Variants in LRPPRC observed in about 807,000 individuals in gnomAD.
LRPPRC encodes leucine rich pentatricopeptide repeat containing.
In LRPPRC, 120 loss-of-function variants were observed where a neutral mutation model predicts 180.3. That is an observed-to-expected ratio of 0.67 (90% CI 0.57 to 0.77). The LOEUF (loss-of-function observed/expected upper bound fraction) is 0.77, where lower values mean the gene tolerates loss of function less well. Ranked by LOEUF, LRPPRC falls within the 30% of genes least tolerant of loss-of-function variation. The pLI is 0.00. For synonymous variants in LRPPRC, 723 were observed against 600.0 expected, an observed-to-expected ratio of 1.21 and a Z score of -3.00; for missense variants, 2,012 against 1,657.2, an observed-to-expected ratio of 1.21 and a Z score of -3.72.
chr2:43,916,324 C>G (rs1433557272), intron 29 of LRPPRC, among the ~76,000 whole-genome samples: 2 of 151,986 alleles, frequency 1.3e-5, no homozygotes, highest in South Asian at 4.2e-4. Context: ...TATAAGAAGT[C>G]TAAGTAAAAA....
chr2:43,950,205 CT>C (rs373640532), intron 15 of LRPPRC, among the ~76,000 whole-genome samples: 8 of 148,264 alleles, frequency 5.4e-5, no homozygotes, highest in South Asian at 2.1e-4. Context: ...CTCATGGATT[CT>C]TTTTTTTTTA....
Position 43,982,283 on chromosome 2 carries a change from G to A in LRPPRC, c.301C>T (p.Pro101Ser). The change falls in exon 2 of 38, where the codon CCA becomes TCA. Residue 101 changes from proline (P) to serine (S), a missense_variant. Coordinates refer to ENST00000260665, the MANE Select transcript of LRPPRC (RefSeq NM_133259.4). ...AAAACTTTTTGTAGAAGCTTCTTTG[G>A]AATGCGGCCAGTTCTTCGAACAGAA... ...DLSVRRTGRI[P>S]KKLLQKVFND... is the part of the protein sequence containing the mutation. The A allele has an allele frequency of 6.3e-7, 1 of 1,580,082 alleles. No individual in the cohort carries two copies. Among genetic ancestry groups the A allele is most frequent in the Non-Finnish European group, 8.6e-7 (1 of 1,165,564 alleles).
intron 32 of LRPPRC, among the ~76,000 whole-genome samples, chr2:43,899,997 G>A (rs1670830004): frequency 6.6e-6 from 1 of 152,104 alleles, no homozygotes; most frequent in Non-Finnish European, 1.5e-5. Context: ...TTGTATAAAT[G>A]CTACAATTTT....
rs1283511974 is a variant in LRPPRC at position 43,889,730 on chromosome 2, T to C, written c.4128+4A>G. On this transcript the variant is annotated splice_donor_region_variant and intron_variant, in intron 37 of 37. Transcript: ENST00000260665. Reference sequence around the variant, plus strand: ...TTTTTTCCCCTTAATTAAGAAATACTCACAGGGGGTTCAATGAAAGGGACA... The same window carrying C: ...TTTTTTCCCCTTAATTAAGAAATACCCACAGGGGGTTCAATGAAAGGGACA... 1 of 1,609,624 alleles carries C rather than the reference T, an allele frequency of 6.2e-7. No individual in the cohort carries two copies.
intron 16 of LRPPRC, 43 bp downstream of exon 16, chr2:43,949,559 T>C (rs1672817328): frequency 1.3e-6 from 2 of 1,511,286 alleles, no homozygotes; most frequent in South Asian, 1.1e-5. Flanking sequence ...CACAGAAAAA[T>C]GGATTTGTGG....
chr2:43,903,607 G>C (rs985430524), intron 31 of LRPPRC: 3 of 152,350 alleles, frequency 2.0e-5, no homozygotes, highest in African/African-American at 7.3e-5. Context: ...GGTAGTGCAG[G>C]AACAGTGCGC....
At chr2:43,907,817 A>C (rs897787939) in intron 30 of LRPPRC, among the ~76,000 whole-genome samples, 1 of 152,202 alleles carries the variant, frequency 6.6e-6, no homozygotes, top group African/African-American at 2.4e-5. Context: ...GGAAACTTTC[A>C]CATTGGACAT....
rs200447765 is a variant in LRPPRC at position 43,888,679 on chromosome 2, G to A, written c.4129-23C>T. ...TTCCTGTTAAGGAGAAAAAAAGAGG[G>A]AAGTTAGAGATACCAGCAAGAGGTG... On this transcript the variant is annotated intron_variant, in intron 37 of 37. Transcript: ENST00000260665. 2.0e-5 allele frequency: 28 copies of A among 1,373,016 alleles called. No homozygotes were observed. The East Asian group carries it at 6.2e-4, about 30-fold the overall frequency. The allele number at this position is 1,373,016 out of a possible 1,614,324, so 85.1% of individuals were successfully genotyped here. A position where few individuals can be genotyped will look rare whatever the true frequency, so the allele number is the denominator to read the frequency against.
intron 31 of LRPPRC, chr2:43,903,872 C>A (rs771952387): frequency 1.3e-5 from 2 of 152,040 alleles, no homozygotes; most frequent in Non-Finnish European, 2.9e-5. Flanking sequence ...ATTTATATGG[C>A]GAGCAAGTTT....
chr2:43,990,832 CCAT>C (rs2103777343), intron 1 of LRPPRC, among the ~76,000 whole-genome samples: 1 of 138,014 alleles, frequency 7.2e-6, no homozygotes, highest in African/African-American at 2.7e-5. Context: ...CCCAAAGGAC[CCAT>C]CAGGTTCTTT....
rs1222306835 is a variant in LRPPRC at position 43,943,808 on chromosome 2, C to T, written c.2383G>A (p.Gly795Ser). The stretch of plus-strand genomic sequence containing the variant: ...TCAATTTCACCTCTTAAAGCTGCGC[C>T]ATTTAGCATGTGGAAAAAGGACAAG... ...TALSFFHMLN[G>S]AALRGEIETV... is the part of the protein sequence containing the mutation. The change falls in exon 23 of 38, where the codon GGC (glycine) becomes AGC (serine). Residue 795 changes from glycine to serine, a missense_variant. Transcript: ENST00000260665. The T allele has an allele frequency of 6.2e-7, 1 of 1,613,334 alleles. No homozygotes were observed. The highest frequency in any genetic ancestry group is 8.5e-7 in the Non-Finnish European group (1 of 1,179,490).
intron 36 of LRPPRC, among the ~76,000 whole-genome samples, chr2:43,891,112 A>G (rs549073826): frequency 1.6e-4 from 25 of 152,348 alleles, no homozygotes; most frequent in African/African-American, 5.3e-4. Flanking sequence ...TGCTGTTTCC[A>G]TGAAGTCAAC....
intron 24 of LRPPRC, 68 bp downstream of exon 24, chr2:43,934,686 A>T (rs893604178): frequency 2.7e-5 from 38 of 1,425,902 alleles, no homozygotes; most frequent in Non-Finnish European, 3.6e-5. Flanking sequence ...TTCTCTTAAC[A>T]ATACACTAAG....
intron 1 of LRPPRC, among the ~76,000 whole-genome samples, chr2:43,988,049 C>G (rs1041756202): frequency 3.6e-4 from 55 of 151,858 alleles, no homozygotes; most frequent in African/African-American, 1.2e-3. Context: ...GAGACCAGCC[C>G]GGCCAACATG....
intron 11 of LRPPRC, among the ~76,000 whole-genome samples, chr2:43,972,658 G>C (rs564095513): frequency 6.6e-6 from 1 of 152,326 alleles, no homozygotes; most frequent in South Asian, 2.1e-4. Flanking sequence ...AAAGGATTTA[G>C]AGACTTTTAT....
At chr2:43,967,179 G>A (rs1459510222) in intron 11 of LRPPRC, among the ~76,000 whole-genome samples, 1 of 152,142 alleles carries the variant, frequency 6.6e-6, no homozygotes, top group Non-Finnish European at 1.5e-5. Context: ...TGGGAGGATT[G>A]CTTGAACCCA....
At chr2:43,959,350 C>T (rs138953505) in intron 13 of LRPPRC, 44 of 600,166 alleles carry the variant, frequency 7.3e-5, no homozygotes, top group African/African-American at 7.2e-4. Context: ...CTTTCCCTTA[C>T]AATATTACAA....
intron 29 of LRPPRC, among the ~76,000 whole-genome samples, chr2:43,912,943 G>C (rs1671316672): frequency 6.6e-6 from 1 of 152,134 alleles, no homozygotes; most frequent in Non-Finnish European, 1.5e-5. Flanking sequence ...AAATAAACCA[G>C]AGGTATAATT....
intron 30 of LRPPRC, among the ~76,000 whole-genome samples, chr2:43,910,294 C>T (rs982020005): frequency 2.7e-5 from 4 of 150,752 alleles, no homozygotes; most frequent in Admixed American, 6.6e-5. Flanking sequence ...AATGCAGTGG[C>T]GCGATCTTGG....
Sources: gnomAD v4.1 joint callset for allele counts (sites outside exome capture counted in the v4.1 genomes callset) on GRCh38, gnomAD v4.1.1 for gene constraint, MANE v1.5 for transcripts, NCBI Gene and HGNC (gene_info 2026-07-23, HGNC 2026-07-21) for gene names.